The following RGS5 variants were observed in gnomAD, a reference collection of about 807,000 sequenced individuals.
The protein encoded by RGS5 is regulator of G-protein signalling 5.
In RGS5, 20 loss-of-function variants were observed where a neutral mutation model predicts 18.9. That is an observed-to-expected ratio of 1.06 (90% confidence interval 0.74 to 1.54). RGS5 has a LOEUF of 1.54. Ranked by LOEUF, RGS5 falls within the 40% of genes most tolerant of loss-of-function variation. The pLI is 0.00. For synonymous variants in RGS5, 57 were observed against 76.2 expected, an observed-to-expected ratio of 0.75 and a Z score of 1.31; for missense variants, 201 against 211.8, an observed-to-expected ratio of 0.95 and a Z score of 0.32.
intron 2 of RGS5, among the ~76,000 whole-genome samples, chr1:163,261,889 T>A (rs1051124094): frequency 9.2e-5 from 14 of 152,094 alleles, no homozygotes; most frequent in East Asian, 7.7e-4. Context: ...CTATTTTTTT[T>A]TAAAATTATT....
intron 2 of RGS5, among the ~76,000 whole-genome samples, chr1:163,249,973 G>A (rs930658020): frequency 5.9e-5 from 9 of 152,062 alleles, no homozygotes; most frequent in African/African-American, 1.9e-4. Flanking sequence ...AGCTCAGTAC[G>A]TGGTATTCCT....
At chr1:163,153,691 T>C (rs1657469800) in intron 3 of RGS5, among the ~76,000 whole-genome samples, 1 of 151,574 alleles carries the variant, frequency 6.6e-6, no homozygotes, top group Middle Eastern at 3.5e-3. Context: ...TATATATAGA[T>C]ATAGTCTTTA....
chr1:163,193,702 A>C (rs1018255909), intron 1 of RGS5, among the ~76,000 whole-genome samples: 2 of 152,166 alleles, frequency 1.3e-5, no homozygotes, highest in Non-Finnish European at 2.9e-5. Context: ...TGCAGTCAGC[A>C]GTCTTCATAG....
chr1:163,297,674 A>T lies in RGS5; in HGVS notation c.-281+8559T>A, dbSNP rs79318635. On this transcript the variant is annotated intron_variant, in intron 2 of 5. Transcript: ENST00000618415. Reference sequence around the variant, plus strand: ...TGTATCTTCTCCCATGTAACATGTAACATGAAGTATACATTTTAATAAACT... The same window carrying T: ...TGTATCTTCTCCCATGTAACATGTATCATGAAGTATACATTTTAATAAACT... 6.4e-3 allele frequency among the ~76,000 whole-genome samples: 969 copies of T among 152,216 alleles called. 9 individuals carry two copies. The highest frequency in any genetic ancestry group is 0.022 in the African/African-American group (912 of 41,540).
chr1:163,199,047 A>G (rs1557901884), intron 1 of RGS5, among the ~76,000 whole-genome samples: 1 of 152,208 alleles, frequency 6.6e-6, no homozygotes, highest in East Asian at 1.9e-4. Context: ...AAACTTGTTT[A>G]GAGAAATTCA....
chr1:163,153,784 T>C (rs1411338054), intron 3 of RGS5, among the ~76,000 whole-genome samples: 1 of 151,514 alleles, frequency 6.6e-6, no homozygotes, highest in African/African-American at 2.4e-5. Context: ...ATTTTCCTTC[T>C]CCTTAATGCT....
intron 2 of RGS5, among the ~76,000 whole-genome samples, chr1:163,295,253 A>G (rs932797323): frequency 2.0e-5 from 3 of 152,218 alleles, no homozygotes; most frequent in Admixed American, 6.5e-5. Context: ...TGCTAATAAA[A>G]TAAATCTTTA....
At chr1:163,216,386 G>A (rs1660217908) in intron 1 of RGS5, among the ~76,000 whole-genome samples, 1 of 152,140 alleles carries the variant, frequency 6.6e-6, no homozygotes, top group Non-Finnish European at 1.5e-5. Flanking sequence ...CATATGAAAA[G>A]TGACAGTGCA....
intron 2 of RGS5, among the ~76,000 whole-genome samples, chr1:163,232,618 T>C (rs549177638): frequency 3.5e-4 from 54 of 152,332 alleles, no homozygotes; most frequent in African/African-American, 1.3e-3. Flanking sequence ...TACAGAACCC[T>C]GTCTCTTCAA....
intron 2 of RGS5, among the ~76,000 whole-genome samples, chr1:163,255,258 T>C (rs974123237): frequency 6.6e-6 from 1 of 152,168 alleles, no homozygotes; most frequent in Non-Finnish European, 1.5e-5. Flanking sequence ...ATTTTCATGA[T>C]ATTGATTCTT....
Position 163,266,366 on chromosome 1 carries a change from A to G in RGS5, c.-281+39867T>C, listed in dbSNP as rs552291524. On this transcript the variant is annotated intron_variant, in intron 2 of 5. Transcript: ENST00000618415. Reference sequence around the variant, plus strand: ...CATCATCTCTTTTTTGATTCTTGCAATTGTCACCTAATTTGTCTGTATTAC... The same window carrying G: ...CATCATCTCTTTTTTGATTCTTGCAGTTGTCACCTAATTTGTCTGTATTAC... Among the ~76,000 whole-genome samples the G allele has an allele frequency of 7.6e-4, 116 of 152,184 alleles. 2 individuals are homozygous for G. Among genetic ancestry groups the G allele is most frequent in the African/African-American group, 2.7e-3 (112 of 41,534 alleles).
At chr1:163,238,464 A>G (rs6685327) in intron 2 of RGS5, 22,372 of 152,610 alleles carry the variant, frequency 0.15, 1,971 homozygotes, top group Non-Finnish European at 0.19. Context: ...GCTAAATTAA[A>G]ATAAGAAACT....
chr1:163,154,334 C>T (rs1436998852), intron 3 of RGS5, among the ~76,000 whole-genome samples: 8 of 152,040 alleles, frequency 5.3e-5, no homozygotes, highest in Non-Finnish European at 8.8e-5. Flanking sequence ...CTTCTCATAC[C>T]CTTCACAGTA....
upstream of RGS5, among the ~76,000 whole-genome samples, chr1:163,220,771 G>T (rs1357136718): frequency 1.2e-4 from 19 of 152,156 alleles, no homozygotes; most frequent in Non-Finnish European, 8.8e-5. Flanking sequence ...GATTATCTCA[G>T]TGGGCCCAAT....
rs115753289 is a variant in RGS5, at chr1:163,237,989, C to G, written c.-281+68244G>C. The G allele has an allele frequency of 6.4e-3, 985 of 154,220 alleles. 2 individuals are homozygous for G. Among genetic ancestry groups the G allele is most frequent in the Non-Finnish European group, 9.7e-3 (661 of 68,240 alleles). 9.6% of individuals were successfully genotyped at this position (154,220 alleles called of 1,614,324 possible). On this transcript the variant is annotated intron_variant, in intron 2 of 5. Transcript: ENST00000618415. ...GAAAGATGCTGAACACAGGGCTGTCCCTGTAAATTCTGTGTTTTTAGATTT... is the reference window on the plus strand; with the variant it reads ...GAAAGATGCTGAACACAGGGCTGTCGCTGTAAATTCTGTGTTTTTAGATTT...
chr1:163,209,874 G>A (rs1172817032), intron 1 of RGS5, among the ~76,000 whole-genome samples: 4 of 152,168 alleles, frequency 2.6e-5, no homozygotes, highest in Middle Eastern at 3.4e-3. Context: ...GTACAATATT[G>A]AGAAGGGCAT....
At chr1:163,183,530 A>T (rs1658946098) in intron 1 of RGS5, among the ~76,000 whole-genome samples, 1 of 152,182 alleles carries the variant, frequency 6.6e-6, no homozygotes, top group Non-Finnish European at 1.5e-5. Context: ...GAATTAGCAC[A>T]CCTGAAGGTA....
intron 1 of RGS5, among the ~76,000 whole-genome samples, chr1:163,174,385 G>A (rs1007953999): frequency 1.3e-5 from 2 of 152,168 alleles, no homozygotes; most frequent in African/African-American, 4.8e-5. Context: ...ATTCAATAAA[G>A]ATTTGCCATG....
intron 2 of RGS5, among the ~76,000 whole-genome samples, chr1:163,284,509 T>A (rs1164251794): frequency 6.6e-6 from 1 of 152,180 alleles, no homozygotes; most frequent in African/African-American, 2.4e-5. Flanking sequence ...TACCAGCATA[T>A]AAAATTCATG....
Sources: allele counts gnomAD v4.1 joint callset (sites outside exome capture counted in the v4.1 genomes callset), GRCh38; gene constraint gnomAD v4.1.1; transcripts MANE v1.5; gene names NCBI Gene and HGNC (gene_info 2026-07-23, HGNC 2026-07-21).